The following LDB2 variants were observed in gnomAD, a reference collection of about 807,000 sequenced individuals.
LDB2 encodes LIM domain-binding protein 2.
Under a neutral mutation model 44.3 loss-of-function variants are expected in LDB2, and 12 were observed. The ratio of observed to expected loss-of-function variants is 0.27; its 90% CI spans 0.17 to 0.44. The LOEUF (loss-of-function observed/expected upper bound fraction) is 0.44, where lower values mean the gene tolerates loss of function less well. Ranked by LOEUF, LDB2 falls within the 20% of genes least tolerant of loss-of-function variation. The pLI is 1.00. For synonymous variants in LDB2, 164 were observed against 174.8 expected, an observed-to-expected ratio of 0.94 and a Z score of 0.49; for missense variants, 344 against 473.5, an observed-to-expected ratio of 0.73 and a Z score of 2.54.
At chr4:16,694,926 G>A (rs1183049054) in intron 2 of LDB2, among the ~76,000 whole-genome samples, 1 of 152,170 alleles carries the variant, frequency 6.6e-6, no homozygotes, top group Non-Finnish European at 1.5e-5. Flanking sequence ...AGGAGTTCAT[G>A]GCATCTTGGC....
chr4:16,673,323 A>C (rs190057233), intron 2 of LDB2, among the ~76,000 whole-genome samples: 17 of 152,340 alleles, frequency 1.1e-4, no homozygotes, highest in Admixed American at 1.1e-3. Context: ...TGTTCAAAAC[A>C]CTGTGGAACT....
At chr4:16,586,128 G>C (rs1716705199) in intron 4 of LDB2, 123 bp from the exon 5 acceptor site, 1 of 693,200 alleles carries the variant, frequency 1.4e-6, no homozygotes, top group Non-Finnish European at 2.6e-6. Flanking sequence ...TTGGAGGGCA[G>C]GCTGCTGGAG....
At chr4:16,653,985 C>G (rs1739024823) in intron 2 of LDB2, among the ~76,000 whole-genome samples, 1 of 152,168 alleles carries the variant, frequency 6.6e-6, no homozygotes, top group Admixed American at 6.5e-5. Flanking sequence ...AGAGCTCGGA[C>G]AAGCTGTGGA....
intron 2 of LDB2, among the ~76,000 whole-genome samples, chr4:16,609,875 GT>G (rs1162001319): frequency 6.6e-6 from 1 of 152,100 alleles, no homozygotes; most frequent in East Asian, 1.9e-4. Context: ...CGTTAAATGG[GT>G]CCTGCTACCT....
chr4:16,843,446 C>A (rs976576669), intron 1 of LDB2, among the ~76,000 whole-genome samples: 2 of 152,054 alleles, frequency 1.3e-5, no homozygotes, highest in African/African-American at 4.8e-5. Flanking sequence ...AATGAATGAA[C>A]CACTTCAACA....
Position 16,690,685 on chromosome 4 carries a change from G to A in LDB2, c.235+68473C>T, listed in dbSNP as rs552308638. On this transcript the variant is annotated intron_variant, in intron 2 of 7. Coordinates refer to ENST00000304523, the MANE Select transcript of LDB2 (RefSeq NM_001290.5). ...TTCTAAACCAATGGACAACCCTCAG[G>A]CTCAACAGAGCAAACAAAAATGTAA... is the stretch of plus-strand genomic sequence containing the variant. 3.3e-5 allele frequency among the ~76,000 whole-genome samples: 5 copies of A among 152,150 alleles called. No homozygotes were observed. The South Asian group carries it at 1.0e-3, about 32-fold the overall frequency.
intron 2 of LDB2, among the ~76,000 whole-genome samples, chr4:16,651,711 C>G (rs1276315858): frequency 6.6e-6 from 1 of 152,090 alleles, no homozygotes; most frequent in East Asian, 1.9e-4. Context: ...CCTGTGCGGT[C>G]TTTCCTTCCC....
intron 1 of LDB2, among the ~76,000 whole-genome samples, chr4:16,882,987 G>A (rs548051679): frequency 6.6e-6 from 1 of 152,286 alleles, no homozygotes; most frequent in Admixed American, 6.5e-5. Context: ...AGTAGATTCT[G>A]CATTTGCATT....
At chr4:16,702,546 G>A (rs1312629663) in intron 2 of LDB2, among the ~76,000 whole-genome samples, 1 of 152,196 alleles carries the variant, frequency 6.6e-6, no homozygotes, top group Non-Finnish European at 1.5e-5. Context: ...GAAAGAAGCT[G>A]CTTCTGTGTT....
chr4:16,539,924 T>G (rs1465318355), intron 5 of LDB2, among the ~76,000 whole-genome samples: 1 of 152,174 alleles, frequency 6.6e-6, no homozygotes, highest in Non-Finnish European at 1.5e-5. Context: ...TACCTGAGAC[T>G]GGGTAATTTA....
At chr4:16,545,407 TTATTA>T (rs1244859721) in intron 5 of LDB2, among the ~76,000 whole-genome samples, 1 of 152,328 alleles carries the variant, frequency 6.6e-6, no homozygotes, top group East Asian at 1.9e-4. Flanking sequence ...TTGCACTCTG[TTATTA>T]TATTAACAGC....
chr4:16,512,977 A>T (rs925096959), intron 5 of LDB2, among the ~76,000 whole-genome samples: 21 of 152,248 alleles, frequency 1.4e-4, no homozygotes, highest in African/African-American at 4.8e-4. Flanking sequence ...GACAGAGACC[A>T]CAATTTGGAA....
At chr4:16,527,171 G>A (rs562941098) in intron 5 of LDB2, among the ~76,000 whole-genome samples, 36 of 152,272 alleles carry the variant, frequency 2.4e-4, no homozygotes, top group African/African-American at 8.2e-4. Context: ...CACATTCCAG[G>A]CAGAGGGACA....
chr4:16,503,062 G>A, intron 7 of LDB2, 189 bp from the exon 8 acceptor site: 1 of 1,539,510 alleles, frequency 6.5e-7, no homozygotes, highest in Non-Finnish European at 8.7e-7. Flanking sequence ...GCCTCCTGAT[G>A]TGTAACAACC....
At chr4:16,515,594 T>G (rs1045434136) in intron 5 of LDB2, among the ~76,000 whole-genome samples, 1 of 152,220 alleles carries the variant, frequency 6.6e-6, no homozygotes, top group East Asian at 1.9e-4. Context: ...GAAGTACCAC[T>G]GCATCTATTA....
chr4:16,528,487 G>C (rs1414588809), intron 5 of LDB2, among the ~76,000 whole-genome samples: 2 of 152,234 alleles, frequency 1.3e-5, no homozygotes, highest in Non-Finnish European at 2.9e-5. Context: ...TTTGGTCTGA[G>C]AGAGTTGGCT....
rs554953976 is a variant in LDB2, at chr4:16,736,555, T to C, written c.235+22603A>G. Reference sequence around the variant, plus strand: ...TACTAGAAAACAATGGAGAAACATATTAAATTTAGTACAGGAAATCCAGGG... The same window carrying C: ...TACTAGAAAACAATGGAGAAACATACTAAATTTAGTACAGGAAATCCAGGG... On this transcript the variant is annotated intron_variant, in intron 2 of 7. Coordinates refer to ENST00000304523, the MANE Select transcript of LDB2 (RefSeq NM_001290.5). 2.0e-4 allele frequency among the ~76,000 whole-genome samples: 30 copies of C among 152,292 alleles called. 1 individual carries two copies. Among genetic ancestry groups the C allele is most frequent in the Admixed American group, 1.4e-3 (22 of 15,292 alleles).
At chr4:16,861,936 T>A (rs1009406825) in intron 1 of LDB2, among the ~76,000 whole-genome samples, 2 of 152,200 alleles carry the variant, frequency 1.3e-5, no homozygotes, top group South Asian at 4.1e-4. Flanking sequence ...CTAAATTGAC[T>A]CTTTGCTCAG....
At chr4:16,865,587 C>T (rs769301157) in intron 1 of LDB2, among the ~76,000 whole-genome samples, 2 of 152,110 alleles carry the variant, frequency 1.3e-5, no homozygotes, top group Non-Finnish European at 2.9e-5. Flanking sequence ...TGTCCATGTC[C>T]CTTTCTGTGG....
Sources: gnomAD v4.1 joint callset for allele counts (sites outside exome capture counted in the v4.1 genomes callset) on GRCh38, gnomAD v4.1.1 for gene constraint, MANE v1.5 for transcripts, NCBI Gene and HGNC (gene_info 2026-07-23, HGNC 2026-07-21) for gene names.